The following CYP3A7 variants were observed in gnomAD, a reference collection of about 807,000 sequenced individuals.
CYP3A7 encodes cytochrome P450 family 3 subfamily A member 7.
In CYP3A7, 45 loss-of-function variants were observed where a neutral mutation model predicts 55.2. That is an observed-to-expected ratio of 0.82 (90% CI 0.64 to 1.05). The LOEUF (loss-of-function observed/expected upper bound fraction) is 1.05, where lower values mean the gene tolerates loss of function less well. CYP3A7 is among the 50% of genes least tolerant of loss of function. The pLI is 0.00. For synonymous variants in CYP3A7, 180 were observed against 207.4 expected, an observed-to-expected ratio of 0.87 and a Z score of 1.13; for missense variants, 548 against 605.3, an observed-to-expected ratio of 0.91 and a Z score of 0.99.
intron 12 of CYP3A7, among the ~76,000 whole-genome samples, chr7:99,705,933 T>C (rs559812324): frequency 6.6e-6 from 1 of 152,314 alleles, no homozygotes; most frequent in African/African-American, 2.4e-5. Flanking sequence ...GATTATTAGG[T>C]ATAACGGTAA....
At chr7:99,710,984 C>A in intron 9 of CYP3A7, 92 bp from the exon 10 acceptor site, 1 of 1,595,292 alleles carries the variant, frequency 6.3e-7, no homozygotes, top group Non-Finnish European at 8.5e-7. Flanking sequence ...ACCTTCAAAT[C>A]CCCAGGGGAA....
chr7:99,720,496 C>A, intron 3 of CYP3A7, 84 bp from the exon 4 acceptor site: 1 of 1,441,398 alleles, frequency 6.9e-7, no homozygotes, highest in South Asian at 1.2e-5. Context: ...GACTTTGATC[C>A]GGACATTACA....
At position 99,705,331 on chromosome 7, in the gene CYP3A7, A is replaced by C; in HGVS notation, c.*169T>G. On this transcript the variant is annotated 3_prime_UTR_variant, in exon 13 of 13. Coordinates refer to ENST00000336374, the MANE Select transcript of CYP3A7 (RefSeq NM_000765.5). ...TCTATATTACCAAGTATAACACTCT[A>C]TACAGACCATGAGAGAGCACAATGC... is the stretch of plus-strand genomic sequence containing the variant. 1.3e-6 allele frequency: 1 copy of C among 748,776 alleles called. No individual in the cohort carries two copies. The highest frequency in any genetic ancestry group is 1.8e-5 in the African/African-American group (1 of 57,110). 46.4% of individuals were successfully genotyped at this position (748,776 alleles called of 1,614,324 possible). A position where few individuals can be genotyped will look rare whatever the true frequency, so the allele number is the denominator to read the frequency against.
intron 7 of CYP3A7, 56 bp from the exon 8 acceptor site, chr7:99,714,738 C>T (rs1813875999): frequency 1.3e-6 from 2 of 1,591,312 alleles, no homozygotes; most frequent in East Asian, 4.5e-5. Context: ...ACAAAATTTA[C>T]CTGGAGCAAT....
chr7:99,713,808 T>A lies in CYP3A7; in HGVS notation c.799-273A>T, dbSNP rs141626739. Among the ~76,000 whole-genome samples the A allele has an allele frequency of 2.6e-5, 4 of 152,342 alleles. No homozygotes were observed. The East Asian group carries it at 7.7e-4, about 29-fold the overall frequency. On this transcript the variant is annotated intron_variant, in intron 8 of 12. Coordinates refer to ENST00000336374, the MANE Select transcript of CYP3A7 (RefSeq NM_000765.5). Reference sequence around the variant, plus strand: ...CATACCCATGAAGAAGTCCTGGGCCTTTTATTCTTCTGTCTTCTTCATCAC... The same window carrying A: ...CATACCCATGAAGAAGTCCTGGGCCATTTATTCTTCTGTCTTCTTCATCAC...
In CYP3A7 at chr7:99,727,073, CT is replaced by C. The variant is rs1318464396; in HGVS notation, c.165+3985del. Among the ~76,000 whole-genome samples the C allele has an allele frequency of 2.0e-5, 3 of 152,304 alleles. No individual in the cohort carries two copies. The East Asian group carries it at 5.8e-4, about 29-fold the overall frequency. ...TAGCTGACCCCATAAGTCCTAAATC[CT>C]TTCCTCACTCCTCTTTCCATTCCTT... On this transcript the variant is annotated intron_variant, in intron 2 of 12. Transcript: ENST00000336374.
chr7:99,721,657 A>G (rs758077271), intron 3 of CYP3A7, among the ~76,000 whole-genome samples: 1 of 152,208 alleles, frequency 6.6e-6, no homozygotes, highest in Non-Finnish European at 1.5e-5. Flanking sequence ...ACACCTGGTG[A>G]CATATGGGAT....
In CYP3A7 at chr7:99,717,195, T is replaced by A. The variant is rs1320277102; in HGVS notation, c.503A>T (p.Lys168Met). 5.0e-6 allele frequency: 8 copies of A among 1,613,774 alleles called. No individual in the cohort carries two copies. Among genetic ancestry groups the A allele is most frequent in the Non-Finnish European group, 5.9e-6 (7 of 1,179,832 alleles). The change falls in exon 6 of 13, where the codon AAG (lysine) becomes ATG (methionine). Residue 168 changes from lysine (K) to methionine (M), a missense_variant. Transcript: ENST00000336374. ...TACTTACTGTTTCAAGGTGACAGGC[T>A]TGCCTGTCTCTGCTTCCCGCCTCAG... is the stretch of plus-strand genomic sequence containing the variant. ...RNLRREAETGKPVTLKHVFGA... is the reference protein window; with the variant it reads ...RNLRREAETGMPVTLKHVFGA...
intron 12 of CYP3A7, 139 bp downstream of exon 12, chr7:99,707,673 T>C (rs1411313688): frequency 8.5e-6 from 12 of 1,405,056 alleles, no homozygotes; most frequent in African/African-American, 4.3e-5. Flanking sequence ...TTAAAGATCA[T>C]AGATGGGTCC....
chr7:99,715,186 A>G (rs564023334), intron 7 of CYP3A7, among the ~76,000 whole-genome samples: 2 of 152,338 alleles, frequency 1.3e-5, no homozygotes, highest in South Asian at 4.1e-4. Flanking sequence ...TAGAAATTAA[A>G]AGGGCAAATA....
chr7:99,717,464 C>A, intron 5 of CYP3A7, 62 bp downstream of exon 5: 1 of 1,603,164 alleles, frequency 6.2e-7, no homozygotes, highest in Non-Finnish European at 8.5e-7. Context: ...ATCTTACTTT[C>A]TACCTGTCCC....
At chr7:99,723,457 C>G (rs1399050142) in intron 2 of CYP3A7, among the ~76,000 whole-genome samples, 3 of 152,162 alleles carry the variant, frequency 2.0e-5, no homozygotes, top group African/African-American at 4.8e-5. Context: ...ACTGACCCAC[C>G]CCTATCTCCC....
chr7:99,727,083 T>C (rs1034462491), intron 2 of CYP3A7, among the ~76,000 whole-genome samples: 11 of 152,148 alleles, frequency 7.2e-5, no homozygotes, highest in African/African-American at 2.7e-4. Context: ...CTTTCCTCAC[T>C]CCTCTTTCCA....
chr7:99,725,431 C>T (rs939539434), intron 2 of CYP3A7, among the ~76,000 whole-genome samples: 6 of 152,204 alleles, frequency 3.9e-5, no homozygotes, highest in Admixed American at 3.3e-4. Context: ...AGCTACTTGC[C>T]TCCAGTGTAA....
chr7:99,721,809 CAAA>C (rs1814210208), intron 3 of CYP3A7, among the ~76,000 whole-genome samples: 1 of 152,070 alleles, frequency 6.6e-6, no homozygotes, highest in Non-Finnish European at 1.5e-5. Context: ...ACAAATAAAT[CAAA>C]GAAGGCTATG....
intron 11 of CYP3A7, among the ~76,000 whole-genome samples, 187 bp downstream of exon 11, chr7:99,708,848 A>G (rs530733685): frequency 1.5e-4 from 23 of 152,266 alleles, no homozygotes; most frequent in African/African-American, 5.1e-4. Flanking sequence ...GTGACTGGCT[A>G]TAGTTTTCTT....
intron 6 of CYP3A7, among the ~76,000 whole-genome samples, chr7:99,716,926 T>C (rs1017298406): frequency 1.3e-5 from 2 of 152,206 alleles, no homozygotes; most frequent in Non-Finnish European, 2.9e-5. Context: ...TCCTCCAGAA[T>C]ATCCAAGGTG....
chr7:99,712,121 C>G (rs2151507109), intron 9 of CYP3A7, among the ~76,000 whole-genome samples: 1 of 152,280 alleles, frequency 6.6e-6, no homozygotes, highest in Middle Eastern at 3.4e-3. Context: ...GATGGCCCAT[C>G]ACTGGTCTGT....
At chr7:99,724,270 C>T (rs751229786) in intron 2 of CYP3A7, among the ~76,000 whole-genome samples, 8 of 152,168 alleles carry the variant, frequency 5.3e-5, no homozygotes, top group African/African-American at 9.7e-5. Context: ...TCTGCAATAC[C>T]GCTTGGCCTC....
Sources: allele counts gnomAD v4.1 joint callset (sites outside exome capture counted in the v4.1 genomes callset), GRCh38; gene constraint gnomAD v4.1.1; transcripts MANE v1.5; gene names NCBI Gene and HGNC (gene_info 2026-07-23, HGNC 2026-07-21).